Variants in COLEC10 observed in about 807,000 individuals in gnomAD.
COLEC10 encodes the protein collectin-10.
COLEC10 carries 22 observed loss-of-function variants against 28.4 expected under a neutral mutation model. The observed-to-expected ratio is 0.78, with a 90% CI of 0.55 to 1.11. COLEC10 has a LOEUF of 1.11. Ranked by LOEUF, COLEC10 falls within the 50% of genes least tolerant of loss-of-function variation. The pLI, the probability that COLEC10 is intolerant of heterozygous loss-of-function variation, is 0.00. For synonymous variants in COLEC10, 125 were observed against 116.1 expected (o/e 1.08, Z -0.49); for missense variants, 361 against 344.1 (o/e 1.05, Z -0.39).
At chr8:118,955,141 AAGG>A in the COLEC10 span, among the ~76,000 whole-genome samples, 1 of 152,212 alleles carries the variant, frequency 6.6e-6, no homozygotes, top group African/African-American at 2.4e-5. Flanking sequence ...AACAGAGAAA[AAGG>A]AGGAGAAAAA....
chr8:118,999,365 T>C (rs2130058204), intron 1 of COLEC10, among the ~76,000 whole-genome samples: 1 of 151,948 alleles, frequency 6.6e-6, no homozygotes, highest in East Asian at 1.9e-4. Flanking sequence ...CTGAGGTGGA[T>C]GGATCACCTG....
intron 3 of COLEC10, among the ~76,000 whole-genome samples, chr8:119,101,793 G>GT (rs894763502): frequency 6.6e-6 from 1 of 151,972 alleles, no homozygotes; most frequent in African/African-American, 2.4e-5. Context: ...CAATACATGT[G>GT]TTTTTTTGTT....
upstream of COLEC10, among the ~76,000 whole-genome samples, chr8:118,990,775 G>A (rs2130036198): frequency 6.6e-6 from 1 of 152,106 alleles, no homozygotes; most frequent in South Asian, 2.1e-4. Flanking sequence ...GAACTTCAAG[G>A]AAATCATGTC....
chr8:118,977,966 C>T, the COLEC10 span, among the ~76,000 whole-genome samples: 1 of 151,740 alleles, frequency 6.6e-6, no homozygotes, highest in Non-Finnish European at 1.5e-5. Flanking sequence ...CTTCCAGGGT[C>T]AAACATAAAG....
At chr8:119,022,391 T>G (rs971832433) in intron 2 of COLEC10, among the ~76,000 whole-genome samples, 1 of 152,128 alleles carries the variant, frequency 6.6e-6, no homozygotes, top group African/African-American at 2.4e-5. Flanking sequence ...CACCAAAGAT[T>G]TTTTAAAAGG....
At chr8:119,055,779 T>C (rs1384073123) in intron 2 of COLEC10, among the ~76,000 whole-genome samples, 1 of 152,106 alleles carries the variant, frequency 6.6e-6, no homozygotes, top group African/African-American at 2.4e-5. Flanking sequence ...AGTTATAAAA[T>C]CTGAACATGC....
intron 3 of COLEC10, among the ~76,000 whole-genome samples, chr8:119,100,289 T>C (rs532564621): frequency 5.3e-4 from 81 of 152,272 alleles, no homozygotes; most frequent in Middle Eastern, 6.8e-3. Flanking sequence ...GCCTCTCTGA[T>C]CCTCAATTTC....
chr8:119,031,606 C>T (rs1489306452), intron 2 of COLEC10, among the ~76,000 whole-genome samples: 1 of 152,234 alleles, frequency 6.6e-6, no homozygotes, highest in Admixed American at 6.5e-5. Context: ...TGGCAAGGAA[C>T]ATGCAGCTGA....
intron 2 of COLEC10, among the ~76,000 whole-genome samples, chr8:119,025,558 C>T (rs1414256363): frequency 6.6e-6 from 1 of 152,122 alleles, no homozygotes; most frequent in African/African-American, 2.4e-5. Context: ...AAACCTTGGT[C>T]TTCAAAAAAT....
chr8:119,076,647 G>T (rs999235113), intron 1 of COLEC10, among the ~76,000 whole-genome samples: 7 of 152,206 alleles, frequency 4.6e-5, no homozygotes, highest in Non-Finnish European at 1.5e-5. Context: ...ATTTGATGCT[G>T]CCCAGGGATA....
intron 2 of COLEC10, among the ~76,000 whole-genome samples, chr8:119,022,585 T>G (rs542129896): frequency 6.6e-6 from 1 of 152,258 alleles, no homozygotes; most frequent in African/African-American, 2.4e-5. Flanking sequence ...TTGACCTGTT[T>G]TTTTCAAAAT....
intron 2 of COLEC10, among the ~76,000 whole-genome samples, chr8:119,035,297 A>G (rs13268224): frequency 6.6e-6 from 1 of 151,426 alleles, no homozygotes; most frequent in Non-Finnish European, 1.5e-5. Context: ...TCTGCTATCT[A>G]TGATTATTTG....
intron 2 of COLEC10, among the ~76,000 whole-genome samples, chr8:119,018,448 A>T (rs1814031659): frequency 6.6e-6 from 1 of 152,192 alleles, no homozygotes; most frequent in Non-Finnish European, 1.5e-5. Context: ...TGGCTTTGAG[A>T]TGCTTGCTTA....
chr8:119,101,149 C>G (rs1226047209), intron 3 of COLEC10, among the ~76,000 whole-genome samples: 1 of 152,064 alleles, frequency 6.6e-6, no homozygotes, highest in African/African-American at 2.4e-5. Context: ...ACCTTAATAC[C>G]AACTCCATTC....
chr8:119,070,704 C>T (rs542225648), intron 1 of COLEC10, among the ~76,000 whole-genome samples: 2 of 150,904 alleles, frequency 1.3e-5, no homozygotes, highest in African/African-American at 4.9e-5. Context: ...AAAATAACAG[C>T]GATAAAATAT....
chr8:119,070,446 G>GCTCTCTCTCTCTCT lies in COLEC10; in HGVS notation c.148+3035_148+3048dup, dbSNP rs760543405. Among the ~76,000 whole-genome samples, 129 of 80,596 alleles carry GCTCTCTCTCTCTCT rather than the reference G, an allele frequency of 1.6e-3. 8 individuals carry two copies. Among genetic ancestry groups the GCTCTCTCTCTCTCT allele is most frequent in the African/African-American group, 4.9e-3 (81 of 16,666 alleles). The allele number at this position is 80,596 out of a possible 152,430, so 52.9% of individuals were successfully genotyped here. On this transcript the variant is annotated intron_variant, in intron 1 of 5. Coordinates refer to ENST00000332843, the MANE Select transcript of COLEC10 (RefSeq NM_006438.5). The stretch of plus-strand genomic sequence containing the variant: ...ACAGGAAAATGAAATGTTCTCCCTC[G>GCTCTCTCTCTCTCT]CTCTCTCTCTCTCTCTCTCTCTCTC...
upstream of COLEC10, among the ~76,000 whole-genome samples, chr8:119,066,960 A>C (rs542282151): frequency 2.2e-4 from 34 of 152,294 alleles, no homozygotes; most frequent in Admixed American, 8.5e-4. Context: ...AGCCTATTAA[A>C]TTGTCAGCTC....
intron 1 of COLEC10, among the ~76,000 whole-genome samples, chr8:119,073,390 C>A (rs1303770476): frequency 5.5e-5 from 7 of 126,756 alleles, no homozygotes; most frequent in African/African-American, 1.8e-4. Flanking sequence ...AGCTCAGTCA[C>A]CTTGATGCAA....
chr8:119,045,442 G>C (rs967194045), intron 2 of COLEC10, among the ~76,000 whole-genome samples: 1 of 151,554 alleles, frequency 6.6e-6, no homozygotes, highest in African/African-American at 2.4e-5. Flanking sequence ...AATAGAGAAA[G>C]CTGAAACAAT....
Sources: gnomAD v4.1 joint callset for allele counts (sites outside exome capture counted in the v4.1 genomes callset) on GRCh38, gnomAD v4.1.1 for gene constraint, MANE v1.5 for transcripts, NCBI Gene and HGNC (gene_info 2026-07-23, HGNC 2026-07-21) for gene names.